Variants in NEIL3 observed in about 807,000 individuals in gnomAD.
NEIL3 encodes the protein endonuclease 8-like 3.
A neutral mutation model predicts 57.5 loss-of-function variants in NEIL3; 48 were observed. The ratio of observed to expected loss-of-function variants is 0.83; its 90% CI spans 0.66 to 1.06. NEIL3 has a LOEUF of 1.06. Among genes scored for constraint, NEIL3 ranks in the 50% least tolerant of loss-of-function variants. The probability of loss-of-function intolerance (pLI) is 0.00; values close to 1 mark genes in which losing one functional copy is unlikely to be tolerated. For synonymous variants in NEIL3, 261 were observed against 253.2 expected (o/e 1.03, Z -0.29); for missense variants, 717 against 739.1 (o/e 0.97, Z 0.35).
downstream of NEIL3, among the ~76,000 whole-genome samples, chr4:177,364,984 G>A (rs376210658): frequency 1.3e-5 from 2 of 151,728 alleles, no homozygotes; most frequent in Non-Finnish European, 2.9e-5. Flanking sequence ...AAGAGATTTT[G>A]CAATTTGAAT....
chr4:177,336,924 A>G (rs1387468644), intron 4 of NEIL3, among the ~76,000 whole-genome samples: 1 of 152,198 alleles, frequency 6.6e-6, no homozygotes, highest in East Asian at 1.9e-4. Context: ...CCAAGGAATA[A>G]GTGATCAGTG....
At chr4:177,319,794 G>A (rs775183307) in intron 1 of NEIL3, among the ~76,000 whole-genome samples, 1 of 152,148 alleles carries the variant, frequency 6.6e-6, no homozygotes, top group Non-Finnish European at 1.5e-5. Context: ...GTGTGTGTGT[G>A]TGTAAAATGG....
chr4:177,356,985 A>G (rs1293553132), intron 8 of NEIL3: 1 of 152,116 alleles, frequency 6.6e-6, no homozygotes. Flanking sequence ...AATCATTAAT[A>G]TTTTCTCACA....
At chr4:177,367,407 G>A (rs1735706320), downstream of NEIL3, among the ~76,000 whole-genome samples, 1 of 152,096 alleles carries the variant, frequency 6.6e-6, no homozygotes, top group Admixed American at 6.5e-5. Flanking sequence ...TTCTGATGCT[G>A]CTGTGGCTCC....
intron 2 of NEIL3, among the ~76,000 whole-genome samples, chr4:177,333,214 A>C (rs1734914389): frequency 6.6e-6 from 1 of 152,142 alleles, no homozygotes; most frequent in Non-Finnish European, 1.5e-5. Flanking sequence ...ATTAATGTGA[A>C]ACTGTGACAG....
intron 7 of NEIL3, 119 bp from the exon 8 acceptor site, chr4:177,353,189 A>G: frequency 5.2e-6 from 4 of 770,128 alleles, no homozygotes; most frequent in Non-Finnish European, 6.3e-6. Context: ...TATTAGTTCT[A>G]TATATTAGTT....
intron 4 of NEIL3, among the ~76,000 whole-genome samples, chr4:177,337,314 A>C (rs1243486430): frequency 6.6e-6 from 1 of 152,218 alleles, no homozygotes; most frequent in Non-Finnish European, 1.5e-5. Flanking sequence ...ATTATTTTTT[A>C]CATAATTGAC....
intron 1 of NEIL3, among the ~76,000 whole-genome samples, chr4:177,313,341 T>C (rs1456371949): frequency 6.6e-6 from 1 of 152,240 alleles, no homozygotes; most frequent in Non-Finnish European, 1.5e-5. Flanking sequence ...CTTGAATGCA[T>C]GTCTGCCTGT....
Position 177,322,597 on chromosome 4 carries a change from C to T in NEIL3, c.278+17C>T, listed in dbSNP as rs200277760. On this transcript the variant is annotated intron_variant, in intron 2 of 9. Coordinates refer to ENST00000264596, the MANE Select transcript of NEIL3 (RefSeq NM_018248.3). ...AGCTTTACGGTAAGATAAGCCTGTA[C>T]GATACATCTTATCTCTCTATATTTA... 42 of 1,613,456 alleles carry T rather than the reference C, an allele frequency of 2.6e-5. No homozygotes were observed. The highest frequency in any genetic ancestry group is 2.3e-4 in the African/African-American group (17 of 74,984).
intron 1 of NEIL3, among the ~76,000 whole-genome samples, chr4:177,312,220 CTT>C (rs1387558283): frequency 6.6e-6 from 1 of 152,126 alleles, no homozygotes; most frequent in Non-Finnish European, 1.5e-5. Context: ...CTCAGAGTGA[CTT>C]TAAGTAAATT....
intron 6 of NEIL3, among the ~76,000 whole-genome samples, chr4:177,349,519 G>T (rs1298797251): frequency 1.3e-5 from 2 of 152,080 alleles, no homozygotes; most frequent in Non-Finnish European, 2.9e-5. Flanking sequence ...AAAGACACTT[G>T]TGATTGGGTT....
At chr4:177,353,036 G>C (rs772147398) in intron 7 of NEIL3, among the ~76,000 whole-genome samples, 1 of 151,984 alleles carries the variant, frequency 6.6e-6, no homozygotes, top group African/African-American at 2.4e-5. Context: ...ACCTTTAAAT[G>C]CTTAAACATC....
intron 1 of NEIL3, among the ~76,000 whole-genome samples, chr4:177,312,618 A>G (rs990483453): frequency 2.6e-5 from 4 of 152,214 alleles, no homozygotes; most frequent in Admixed American, 2.0e-4. Context: ...AATTATTAAC[A>G]TCACTTGGCA....
At chr4:177,351,202 T>G (rs1735341310) in intron 6 of NEIL3, among the ~76,000 whole-genome samples, 178 bp from the exon 7 acceptor site, 1 of 57,128 alleles carries the variant, frequency 1.8e-5, no homozygotes, top group Non-Finnish European at 2.7e-5. Flanking sequence ...AGACCCCATC[T>G]CTACAAAAAA....
chr4:177,329,456 A>T (rs1441850351), intron 2 of NEIL3, among the ~76,000 whole-genome samples: 1 of 152,226 alleles, frequency 6.6e-6, no homozygotes, highest in Non-Finnish European at 1.5e-5. Context: ...CTAGAATAAA[A>T]TCAAAGTAGA....
chr4:177,335,554 T>A, intron 2 of NEIL3, 134 bp from the exon 3 acceptor site: 1 of 630,878 alleles, frequency 1.6e-6, no homozygotes, highest in Non-Finnish European at 2.7e-6. Context: ...TACCACTGGT[T>A]TCTGCCCTTT....
intron 1 of NEIL3, among the ~76,000 whole-genome samples, chr4:177,312,990 A>G (rs1734505255): frequency 6.6e-6 from 1 of 152,240 alleles, no homozygotes; most frequent in African/African-American, 2.4e-5. Context: ...TCATTACTGT[A>G]GCAGATGATC....
At chr4:177,312,792 G>A (rs1486927837) in intron 1 of NEIL3, among the ~76,000 whole-genome samples, 3 of 151,914 alleles carry the variant, frequency 2.0e-5, no homozygotes, top group Non-Finnish European at 4.4e-5. Context: ...AATATGGAAG[G>A]AATACATTCT....
rs564529195 is a variant in NEIL3, at chr4:177,349,339, G to T, written c.870-2041G>T. Among the ~76,000 whole-genome samples, 9 of 152,198 alleles carry T rather than the reference G, an allele frequency of 5.9e-5. No homozygotes were observed. The South Asian group carries it at 1.9e-3, about 32-fold the overall frequency. Reference sequence around the variant, plus strand: ...TTGAACCAAAATTAAGGTGTGGGTAGGACTGTGCTCCCTCTGGAGGAACTG... The same window carrying T: ...TTGAACCAAAATTAAGGTGTGGGTATGACTGTGCTCCCTCTGGAGGAACTG... On this transcript the variant is annotated intron_variant, in intron 6 of 9. Transcript: ENST00000264596.
Sources: allele counts gnomAD v4.1 joint callset (sites outside exome capture counted in the v4.1 genomes callset), GRCh38; gene constraint gnomAD v4.1.1; transcripts MANE v1.5; gene names NCBI Gene and HGNC (gene_info 2026-07-23, HGNC 2026-07-21).